The following TUT4 variants were observed in gnomAD, a reference collection of about 807,000 sequenced individuals.
TUT4 encodes the protein terminal uridylyltransferase 4.
TUT4 carries 36 observed loss-of-function variants against 192.2 expected under a neutral mutation model. The ratio of observed to expected loss-of-function variants is 0.19; its 90% confidence interval spans 0.14 to 0.25. TUT4 has a LOEUF of 0.25. Among genes scored for constraint, TUT4 ranks in the 10% least tolerant of loss-of-function variants. The probability of loss-of-function intolerance (pLI) is 1.00; values close to 1 mark genes in which losing one functional copy is unlikely to be tolerated. For synonymous variants in TUT4, 618 were observed against 666.0 expected, an observed-to-expected ratio of 0.93 and a Z score of 1.11; for missense variants, 1,493 against 1,957.2, an observed-to-expected ratio of 0.76 and a Z score of 4.47.
chr1:52,462,636 G>C, intron 16 of TUT4: 1 of 757,420 alleles, frequency 1.3e-6, no homozygotes, highest in South Asian at 6.0e-5. Context: ...TGTATGTAAA[G>C]CACTCAGCAG....
chr1:52,531,885 C>CTTTTT lies in TUT4; in HGVS notation c.-93-5517_-93-5513dup, dbSNP rs1158088077. ...AACAGTAGAGACTGTCTTTTCTCATCTTTTTTTTTTTTTTTTTTTTTTTTT... is the reference window on the plus strand; with the variant it reads ...AACAGTAGAGACTGTCTTTTCTCATCTTTTTTTTTTTTTTTTTTTTTTTTTTTTTT... On this transcript the variant is annotated intron_variant, in intron 1 of 29. Coordinates refer to ENST00000257177, the MANE Select transcript of TUT4 (RefSeq NM_001009881.3). Among the ~76,000 whole-genome samples the CTTTTT allele has an allele frequency of 7.3e-4, 59 of 80,830 alleles. 3 individuals are homozygous for CTTTTT. Among genetic ancestry groups the CTTTTT allele is most frequent in the African/African-American group, 1.8e-3 (31 of 17,174 alleles). 53.0% of individuals were successfully genotyped at this position (80,830 alleles called of 152,430 possible).
rs1046669379 is a variant in TUT4 at position 52,488,769 on chromosome 1, T to C, written c.1515+140A>G. On this transcript the variant is annotated intron_variant, in intron 9 of 29. Transcript: ENST00000257177. ...AAATTACAACCTGCCACACCAACTTTCTGTCTAGCACAGAAAACTACTTTC... is the reference window on the plus strand; with the variant it reads ...AAATTACAACCTGCCACACCAACTTCCTGTCTAGCACAGAAAACTACTTTC... 1.5e-5 allele frequency: 13 copies of C among 884,978 alleles called. No individual in the cohort carries two copies. In the African/African-American group the frequency reaches 2.1e-4, roughly 14 times the overall value. The allele number at this position is 884,978 out of a possible 1,614,324, so 54.8% of individuals were successfully genotyped here. A position where few individuals can be genotyped will look rare whatever the true frequency, so the allele number is the denominator to read the frequency against.
At chr1:52,513,393 C>CAAAAA (rs554170439) in intron 3 of TUT4, among the ~76,000 whole-genome samples, 4 of 42,094 alleles carry the variant, frequency 9.5e-5, no homozygotes, top group Admixed American at 2.5e-4. Flanking sequence ...GACCCTGTCT[C>CAAAAA]AAAAAAAAAA....
chr1:52,488,571 T>C (rs1177047303), intron 9 of TUT4, among the ~76,000 whole-genome samples: 1 of 152,186 alleles, frequency 6.6e-6, no homozygotes, highest in Non-Finnish European at 1.5e-5. Context: ...TTAATGTATA[T>C]ACATCTTAAA....
chr1:52,486,834 A>G (rs1459411486), intron 9 of TUT4, among the ~76,000 whole-genome samples: 1 of 152,162 alleles, frequency 6.6e-6, no homozygotes, highest in Non-Finnish European at 1.5e-5. Flanking sequence ...TTAGGAAACA[A>G]TATTTATGGG....
chr1:52,462,288 C>T (rs148373083), intron 16 of TUT4: 2,097 of 151,278 alleles, frequency 0.014, 47 homozygotes, highest in African/African-American at 0.048. Context: ...CGGGTTCATG[C>T]CATTCTCCTG....
At chr1:52,463,268 T>G (rs897905948) in intron 16 of TUT4, 13 of 988,344 alleles carry the variant, frequency 1.3e-5, no homozygotes, top group Non-Finnish European at 1.6e-5. Flanking sequence ...TCATTTCCTA[T>G]TCCCTCAATT....
chr1:52,438,670 C>T (rs1351110942), intron 24 of TUT4, among the ~76,000 whole-genome samples: 1 of 152,172 alleles, frequency 6.6e-6, no homozygotes, highest in African/African-American at 2.4e-5. Context: ...ATAGAAAAAA[C>T]AGGTTAAGTC....
chr1:52,452,052 C>T (rs763547739), intron 20 of TUT4, among the ~76,000 whole-genome samples: 26 of 151,518 alleles, frequency 1.7e-4, no homozygotes, highest in Non-Finnish European at 3.0e-4. Flanking sequence ...AGGAAGTGTT[C>T]CTTCTGCCTC....
intron 2 of TUT4, among the ~76,000 whole-genome samples, chr1:52,524,310 C>T (rs1274354751): frequency 6.6e-6 from 1 of 152,104 alleles, no homozygotes; most frequent in Admixed American, 6.6e-5. Context: ...CCGAGGCAGG[C>T]GGATCACGAG....
chr1:52,484,331 A>G (rs1392156528), intron 9 of TUT4, among the ~76,000 whole-genome samples: 1 of 152,256 alleles, frequency 6.6e-6, no homozygotes, highest in Non-Finnish European at 1.5e-5. Flanking sequence ...AGATGTTATA[A>G]GTAATCTAGT....
intron 20 of TUT4, among the ~76,000 whole-genome samples, chr1:52,452,754 C>T (rs1659808759): frequency 6.6e-6 from 1 of 152,140 alleles, no homozygotes; most frequent in South Asian, 2.1e-4. Flanking sequence ...TTATAATAAA[C>T]CAGTAAGCCT....
intron 16 of TUT4, 145 bp from the exon 17 acceptor site, chr1:52,461,914 G>A (rs1024676365): frequency 7.5e-6 from 4 of 536,892 alleles, no homozygotes; most frequent in Non-Finnish European, 6.6e-6. Flanking sequence ...GTGATTCATA[G>A]ACCTACAGTA....
intron 6 of TUT4, among the ~76,000 whole-genome samples, chr1:52,494,242 A>G (rs1217199507): frequency 1.3e-5 from 2 of 152,198 alleles, no homozygotes; most frequent in African/African-American, 4.8e-5. Context: ...CATCAAAACA[A>G]AAGAGAAATG....
At chr1:52,537,955 G>A (rs920050034) in intron 1 of TUT4, among the ~76,000 whole-genome samples, 4 of 152,084 alleles carry the variant, frequency 2.6e-5, no homozygotes, top group African/African-American at 9.7e-5. Flanking sequence ...AATTAGACTG[G>A]CTGGGCATGG....
rs771206820 is a variant in TUT4 at position 52,475,170 on chromosome 1, A to C, written c.2389T>G (p.Ser797Ala). ...ELDFADHGQD[S>A]SSLSTSKSSE... The stretch of plus-strand genomic sequence containing the variant: ...CTTTTGCTGGTAGAAAGAGATGAAG[A>C]GTCCTGTCCGTGGTCAGCAAAATCT... Residue 797 changes from serine (S) to alanine (A), a missense_variant, in exon 13 of 30, where the codon TCT becomes GCT. Ser to Ala is a moderately conservative substitution (Grantham distance 99). This residue lies in a region of TUT4 where 245 missense variants were observed against 218.4 expected (regional missense o/e 1.12). Coordinates refer to ENST00000257177, the MANE Select transcript of TUT4 (RefSeq NM_001009881.3). 1.2e-6 allele frequency: 2 copies of C among 1,614,158 alleles called. No homozygotes were observed. The highest frequency in any genetic ancestry group is 4.5e-5 in the East Asian group (2 of 44,886).
chr1:52,442,527 T>C (rs963255127), intron 24 of TUT4, among the ~76,000 whole-genome samples: 3 of 152,270 alleles, frequency 2.0e-5, no homozygotes, highest in African/African-American at 4.8e-5. Flanking sequence ...ATCAGAAGTG[T>C]TTTGGATTTT....
chr1:52,463,775 G>A, intron 16 of TUT4: 1 of 1,304,064 alleles, frequency 7.7e-7, no homozygotes, highest in Non-Finnish European at 1.0e-6. Flanking sequence ...CCACTATTAA[G>A]GCCTGGTATA....
At chr1:52,497,393 T>C (rs1179507071) in intron 4 of TUT4, among the ~76,000 whole-genome samples, 1 of 152,210 alleles carries the variant, frequency 6.6e-6, no homozygotes, top group Non-Finnish European at 1.5e-5. Context: ...GGGGAGGGGA[T>C]GCTACTAAGT....
Sources: allele counts gnomAD v4.1 joint callset (sites outside exome capture counted in the v4.1 genomes callset), GRCh38; gene constraint gnomAD v4.1.1; regional missense constraint gnomAD v4.1.1; transcripts MANE v1.5; gene names NCBI Gene and HGNC (gene_info 2026-07-23, HGNC 2026-07-21).